ATP9A: variants seen among roughly 807,000 people sequenced by gnomAD.
ATP9A encodes the protein ATPase phospholipid transporting 9A.
Under a neutral mutation model 144.1 loss-of-function variants are expected in ATP9A, and 52 were observed. That is an observed-to-expected ratio of 0.36 (90% CI 0.29 to 0.45). ATP9A has a LOEUF of 0.45. Ranked by LOEUF, ATP9A falls within the 20% of genes least tolerant of loss-of-function variation. The probability of loss-of-function intolerance (pLI) is 1.00; values close to 1 mark genes in which losing one functional copy is unlikely to be tolerated. For synonymous variants in ATP9A, 582 were observed against 557.4 expected (o/e 1.04, Z -0.62); for missense variants, 947 against 1,392.7 (o/e 0.68, Z 5.09).
In ATP9A at chr20:51,729,819, C is replaced by T. The variant is rs1327042172; in HGVS notation, c.213+15G>A. On this transcript the variant is annotated intron_variant, in intron 2 of 27. Coordinates refer to ENST00000338821, the MANE Select transcript of ATP9A (RefSeq NM_006045.3). ...ATGGAAAAAAGAAAAGAGCACGGTC[C>T]CTGCCTGCACGTACCCCAGGAAGAA... The T allele has an allele frequency of 6.4e-7, 1 of 1,556,934 alleles. No homozygotes were observed.
chr20:51,598,507 T>C lies in ATP9A; in HGVS notation c.*2704A>G, dbSNP rs948001881. 6.6e-6 allele frequency: 1 copy of C among 152,298 alleles called. No homozygotes were observed. Among genetic ancestry groups the C allele is most frequent in the African/African-American group, 2.4e-5 (1 of 41,560 alleles). 9.4% of individuals were successfully genotyped at this position (152,298 alleles called of 1,614,324 possible). A position where few individuals can be genotyped will look rare whatever the true frequency, so the allele number is the denominator to read the frequency against. ...TTTATGTAAGTTCTTTCCAGATTGATGAACCAAGAAAAAGGTCAACTGAAT... is the reference window on the plus strand; with the variant it reads ...TTTATGTAAGTTCTTTCCAGATTGACGAACCAAGAAAAAGGTCAACTGAAT... On this transcript the variant is annotated 3_prime_UTR_variant, in exon 28 of 28. Coordinates refer to ENST00000338821, the MANE Select transcript of ATP9A (RefSeq NM_006045.3).
At chr20:51,633,589 T>A (rs114403614) in intron 15 of ATP9A, among the ~76,000 whole-genome samples, 1 of 151,922 alleles carries the variant, frequency 6.6e-6, no homozygotes, top group Non-Finnish European at 1.5e-5. Flanking sequence ...CTACAAAAAA[T>A]TTAAAACTTA....
intron 3 of ATP9A, among the ~76,000 whole-genome samples, chr20:51,714,911 A>G (rs977104208): frequency 1.3e-5 from 2 of 152,250 alleles, no homozygotes; most frequent in East Asian, 3.8e-4. Flanking sequence ...GGTTGGGTGG[A>G]GGGAGTCACC....
At chr20:51,672,061 A>G (rs2077458498) in intron 11 of ATP9A, among the ~76,000 whole-genome samples, 1 of 152,236 alleles carries the variant, frequency 6.6e-6, no homozygotes, top group Non-Finnish European at 1.5e-5. Flanking sequence ...TGGCCTCCCA[A>G]AGTGCTGGGA....
rs760004606 is a variant in ATP9A, at chr20:51,639,496, C to T, written c.1515G>A (p.Leu505=). ...AGCCCACACTTTCCGTCCACTGTAC[C>T]AGGGCCACCTAAACATAACACAGGG... The part of the protein sequence containing the change: ...YQASSPDEVA[L]VQWTESVGLT... The change falls in exon 15 of 28, where the codon CTG becomes CTA. Residue 505 remains leucine (L), a synonymous_variant. Coordinates refer to ENST00000338821, the MANE Select transcript of ATP9A (RefSeq NM_006045.3). The T allele has an allele frequency of 9.7e-5, 156 of 1,609,372 alleles. No homozygotes were observed. The highest frequency in any genetic ancestry group is 1.3e-4 in the Non-Finnish European group (149 of 1,178,206).
chr20:51,746,728 A>G (rs2077809896), intron 1 of ATP9A, among the ~76,000 whole-genome samples: 1 of 152,224 alleles, frequency 6.6e-6, no homozygotes, highest in South Asian at 2.1e-4. Context: ...AGTCCCAGCT[A>G]CTCAGGAGGC....
At chr20:51,714,370 A>C (rs748064905) in intron 3 of ATP9A, among the ~76,000 whole-genome samples, 6 of 150,514 alleles carry the variant, frequency 4.0e-5, no homozygotes, top group Non-Finnish European at 8.9e-5. Flanking sequence ...TTTTTGGTAG[A>C]GATGGTTTGT....
At chr20:51,641,851 T>C (rs372005432) in intron 14 of ATP9A, among the ~76,000 whole-genome samples, 8 of 96,632 alleles carry the variant, frequency 8.3e-5, no homozygotes, top group African/African-American at 2.5e-4. Flanking sequence ...AAAAAAAAGA[T>C]AAAAAACACT....
rs189819747 is a variant in ATP9A, at chr20:51,686,536, A to T, written c.799+2528T>A. ...TTTCCTCTATAAAGCATTCTAACAA[A>T]GTAATGAGAAAAAGAAGAACCACAA... On this transcript the variant is annotated intron_variant, in intron 9 of 27. Transcript: ENST00000338821. 4.8e-3 allele frequency among the ~76,000 whole-genome samples: 735 copies of T among 152,360 alleles called. 12 individuals carry two copies. Among genetic ancestry groups the T allele is most frequent in the Non-Finnish European group, 4.8e-3 (326 of 68,034 alleles).
intron 3 of ATP9A, among the ~76,000 whole-genome samples, chr20:51,720,496 T>G (rs1304238287): frequency 3.3e-5 from 5 of 152,198 alleles, no homozygotes; most frequent in African/African-American, 7.2e-5. Flanking sequence ...AGGGCTTTAC[T>G]GCATCAGCCC....
In ATP9A at chr20:51,678,209, A is replaced by G. The variant is rs1185754693; in HGVS notation, c.800-2001T>C. On this transcript the variant is annotated intron_variant, in intron 9 of 27. Coordinates refer to ENST00000338821, the MANE Select transcript of ATP9A (RefSeq NM_006045.3). ...CATCATCTGAGCCAAAACTTGGAAC[A>G]CGAAGGAGCCAGCCCTGCCAAGCTC... 2.0e-5 allele frequency among the ~76,000 whole-genome samples: 3 copies of G among 152,078 alleles called. No individual in the cohort carries two copies. In the East Asian group the frequency reaches 5.8e-4, roughly 29 times the overall value.
chr20:51,632,672 G>C (rs2122737051), intron 15 of ATP9A, among the ~76,000 whole-genome samples: 1 of 152,184 alleles, frequency 6.6e-6, no homozygotes, highest in African/African-American at 2.4e-5. Context: ...TTTGTGCCAA[G>C]GGGAGAACTA....
intron 14 of ATP9A, among the ~76,000 whole-genome samples, chr20:51,644,701 AC>A (rs2077334948): frequency 6.6e-6 from 1 of 152,138 alleles, no homozygotes; most frequent in South Asian, 2.1e-4. Flanking sequence ...AAGCTAAAAA[AC>A]CCTGACTAAA....
intron 1 of ATP9A, among the ~76,000 whole-genome samples, chr20:51,733,283 A>T (rs1252145785): frequency 6.6e-6 from 1 of 152,218 alleles, no homozygotes; most frequent in Non-Finnish European, 1.5e-5. Flanking sequence ...TGTAATTTAC[A>T]AACAAGGAAA....
At chr20:51,707,920 C>T (rs938871622) in intron 4 of ATP9A, among the ~76,000 whole-genome samples, 1 of 151,900 alleles carries the variant, frequency 6.6e-6, no homozygotes, top group Admixed American at 6.6e-5. Context: ...GTCTAGAGTA[C>T]GGTGATGTGA....
intron 1 of ATP9A, among the ~76,000 whole-genome samples, chr20:51,759,628 G>A (rs886865545): frequency 2.0e-5 from 3 of 151,780 alleles, no homozygotes; most frequent in Non-Finnish European, 2.9e-5. Context: ...AGCCGAGATC[G>A]CACCACTACA....
At chr20:51,642,552 G>A (rs1217155681) in intron 14 of ATP9A, among the ~76,000 whole-genome samples, 1 of 151,658 alleles carries the variant, frequency 6.6e-6, no homozygotes, top group Non-Finnish European at 1.5e-5. Context: ...CAGGATCAAG[G>A]TCGCTTGATC....
chr20:51,755,829 C>T (rs2077853441), intron 1 of ATP9A, among the ~76,000 whole-genome samples: 1 of 152,042 alleles, frequency 6.6e-6, no homozygotes, highest in Admixed American at 6.6e-5. Flanking sequence ...GTGGTGGGCG[C>T]CTGTAGTCCC....
At chr20:51,625,405 G>A in intron 17 of ATP9A, 43 bp from the exon 18 acceptor site, 1 of 1,580,674 alleles carries the variant, frequency 6.3e-7, no homozygotes, top group East Asian at 2.3e-5. Flanking sequence ...AGGGTGAGGA[G>A]AGGCCAGGCT....
Sources: allele counts gnomAD v4.1 joint callset (sites outside exome capture counted in the v4.1 genomes callset), GRCh38; gene constraint gnomAD v4.1.1; transcripts MANE v1.5; gene names NCBI Gene and HGNC (gene_info 2026-07-23, HGNC 2026-07-21).